Variants in KLHL42 observed in about 807,000 individuals in gnomAD.
The protein encoded by KLHL42 is kelch like family member 42, also known as kelch-like protein 42.
KLHL42 carries 27 observed loss-of-function variants against 32.7 expected under a neutral mutation model. The observed-to-expected ratio is 0.83, with a 90% CI of 0.61 to 1.14. The LOEUF (loss-of-function observed/expected upper bound fraction) is 1.14. Ranked by LOEUF, KLHL42 falls within the 50% of genes most tolerant of loss-of-function variation. The pLI, the probability that KLHL42 is intolerant of heterozygous loss-of-function variation, is 0.00. For missense variants in KLHL42, 491 were observed against 560.8 expected (o/e 0.88, Z 1.26); for synonymous variants, 267 against 248.2 (o/e 1.08, Z -0.71).
chr12:27,789,038 G>A (rs1158775253), intron 1 of KLHL42, among the ~76,000 whole-genome samples: 7 of 152,206 alleles, frequency 4.6e-5, no homozygotes, highest in Non-Finnish European at 1.0e-4. Flanking sequence ...GAGAATTTGT[G>A]GATGAGAGAG....
At chr12:27,796,450 A>G (rs964171954) in intron 2 of KLHL42, among the ~76,000 whole-genome samples, 2 of 152,244 alleles carry the variant, frequency 1.3e-5, no homozygotes, top group Admixed American at 1.3e-4. Context: ...AACAACAACA[A>G]AGTTCATTCT....
intron 1 of KLHL42, 124 bp from the exon 2 acceptor site, chr12:27,791,584 T>C: frequency 1.3e-6 from 1 of 791,390 alleles, no homozygotes; most frequent in Non-Finnish European, 2.1e-6. Context: ...TCAGGCGGAA[T>C]GGCCCCCAAC....
intron 2 of KLHL42, among the ~76,000 whole-genome samples, chr12:27,794,528 A>G (rs546335301): frequency 3.3e-5 from 5 of 151,984 alleles, no homozygotes; most frequent in South Asian, 4.2e-4. Flanking sequence ...GTCTCACTCT[A>G]TTGCCCAGGA....
intron 1 of KLHL42, among the ~76,000 whole-genome samples, chr12:27,782,837 CTG>C (rs917568826): frequency 4.6e-5 from 7 of 151,186 alleles, no homozygotes; most frequent in African/African-American, 1.7e-4. Context: ...ACACACAAAA[CTG>C]TGGAGTAAAA....
chr12:27,785,067 A>G (rs1406744602), intron 1 of KLHL42, among the ~76,000 whole-genome samples: 2 of 152,114 alleles, frequency 1.3e-5, no homozygotes, highest in Non-Finnish European at 2.9e-5. Context: ...AAATTGTTGC[A>G]TAGAGGGGTG....
chr12:27,780,747 G>T lies in KLHL42; in HGVS notation c.417G>T (p.Val139=). ...TGGAGATGTACCGCCTGGCGCAGGTGTACGGGCTGCCCGACCTGCAGGAGG... is the reference window on the plus strand; with the variant it reads ...TGGAGATGTACCGCCTGGCGCAGGTTTACGGGCTGCCCGACCTGCAGGAGG... ...NCLEMYRLAQ[V]YGLPDLQEAC... The change falls in exon 1 of 3, where the codon GTG becomes GTT. Residue 139 remains valine (V), a synonymous_variant. Transcript: ENST00000381271. The surrounding 1 kb of genome is among the most constrained non-coding windows in gnomAD (Gnocchi z 8.8). 1 of 1,613,432 alleles carries T rather than the reference G, an allele frequency of 6.2e-7. No individual in the cohort carries two copies. The highest frequency in any genetic ancestry group is 8.5e-7 in the Non-Finnish European group (1 of 1,180,026).
chr12:27,793,768 A>G (rs574506110), intron 2 of KLHL42, among the ~76,000 whole-genome samples: 48 of 152,286 alleles, frequency 3.2e-4, no homozygotes, highest in African/African-American at 1.1e-3. Flanking sequence ...TAGGACTTTA[A>G]GCCACATTAT....
At chr12:27,793,892 C>A (rs1054799612) in intron 2 of KLHL42, among the ~76,000 whole-genome samples, 8 of 152,186 alleles carry the variant, frequency 5.3e-5, no homozygotes, top group African/African-American at 1.9e-4. Context: ...GAAGAAGACC[C>A]TGTGAGGCCG....
In KLHL42 at chr12:27,780,689, T is replaced by G. The variant is rs1010092580; in HGVS notation, c.359T>G (p.Leu120Arg). ...SFLQVTSLLQ[L>R]LLSQVRLNNC... The stretch of plus-strand genomic sequence containing the variant: ...CTGCAGGTCACGTCCCTGCTGCAGC[T>G]GCTGCTGTCCCAGGTGCGGCTCAAT... The change falls in exon 1 of 3, where the codon CTG becomes CGG. Residue 120 changes from leucine (L) to arginine (R), a missense_variant. Physicochemically the swap from Leu to Arg is moderately radical, Grantham distance 102. Transcript: ENST00000381271. This position sits in a 1 kb window ranked among gnomAD's most constrained non-coding sequence, Gnocchi z 8.8. 8 of 1,606,638 alleles carry G rather than the reference T, an allele frequency of 5.0e-6. No homozygotes were observed. Among genetic ancestry groups the G allele is most frequent in the Non-Finnish European group, 6.8e-6 (8 of 1,175,392 alleles).
Position 27,799,639 on chromosome 12 carries a change from G to C in KLHL42, c.*1473G>C, listed in dbSNP as rs574613535. 6.6e-6 allele frequency: 1 copy of C among 152,512 alleles called. No homozygotes were observed. The highest frequency in any genetic ancestry group is 1.9e-4 in the East Asian group (1 of 5,200). The allele number at this position is 152,512 out of a possible 1,614,324, so 9.4% of individuals were successfully genotyped here. The stretch of plus-strand genomic sequence containing the variant: ...CGTCCACTGTGCAGATGTAGGACAG[G>C]GGCTAATCACTTAGAGTTCTTCAGT... On this transcript the variant is annotated 3_prime_UTR_variant, in exon 3 of 3. Coordinates refer to ENST00000381271, the MANE Select transcript of KLHL42 (RefSeq NM_020782.2).
In KLHL42 at chr12:27,780,245, C is replaced by A. The variant is rs1355029295; in HGVS notation, c.-86C>A. On this transcript the variant is annotated 5_prime_UTR_variant, in exon 1 of 3. Transcript: ENST00000381271. This position sits in a 1 kb window ranked among gnomAD's most constrained non-coding sequence, Gnocchi z 8.8. Reference sequence around the variant, plus strand: ...CTCCCGGGCCGCCATCCCTCGGCGCCCCGCCCGGAACCGGCGCGCGCGTAG... The same window carrying A: ...CTCCCGGGCCGCCATCCCTCGGCGCACCGCCCGGAACCGGCGCGCGCGTAG... The A allele has an allele frequency of 7.7e-7, 1 of 1,292,288 alleles. No homozygotes were observed. The highest frequency in any genetic ancestry group is 9.9e-7 in the Non-Finnish European group (1 of 1,007,314). 80.1% of individuals were successfully genotyped at this position (1,292,288 alleles called of 1,614,324 possible).
rs2062198830 is a variant in KLHL42 at position 27,791,890 on chromosome 12, A to G, written c.1055A>G (p.Tyr352Cys). The G allele has an allele frequency of 6.2e-7, 1 of 1,613,956 alleles. No individual in the cohort carries two copies. The highest frequency in any genetic ancestry group is 8.5e-7 in the Non-Finnish European group (1 of 1,179,962). ...GGAAAAATTTATGTCATTGGAGGATACACTACCAGAGGTAAGTGAAGGGAC... is the reference window on the plus strand; with the variant it reads ...GGAAAAATTTATGTCATTGGAGGATGCACTACCAGAGGTAAGTGAAGGGAC... ...CKGKIYVIGG[Y>C]TTRDRNMNIL... The change falls in exon 2 of 3, where the codon TAC becomes TGC. Residue 352 changes from tyrosine (Y) to cysteine (C), a missense_variant. This residue lies in a region of KLHL42 where 152 missense variants were observed against 125.9 expected (regional missense o/e 1.21). Coordinates refer to ENST00000381271, the MANE Select transcript of KLHL42 (RefSeq NM_020782.2).
At chr12:27,797,518 G>C (rs2062224508) in intron 2 of KLHL42, among the ~76,000 whole-genome samples, 197 bp from the exon 3 acceptor site, 1 of 152,190 alleles carries the variant, frequency 6.6e-6, no homozygotes, top group African/African-American at 2.4e-5. Flanking sequence ...ACGTTTGGGA[G>C]TGGGAGGTGA....
chr12:27,798,550 TA>T lies in KLHL42; in HGVS notation c.*385del, dbSNP rs1265348612. On this transcript the variant is annotated 3_prime_UTR_variant, in exon 3 of 3. Coordinates refer to ENST00000381271, the MANE Select transcript of KLHL42 (RefSeq NM_020782.2). ...GTATTTAGGTCCCTTGACATATCAT[TA>T]GCACCTTAAGTGAGAGGTTTTCTTT... 1 of 192,502 alleles carries T rather than the reference TA, an allele frequency of 5.2e-6. No homozygotes were observed. The highest frequency in any genetic ancestry group is 1.1e-5 in the Non-Finnish European group (1 of 92,558). 11.9% of individuals were successfully genotyped at this position (192,502 alleles called of 1,614,324 possible).
intron 1 of KLHL42, among the ~76,000 whole-genome samples, chr12:27,790,270 A>C (rs556089807): frequency 6.6e-6 from 1 of 151,972 alleles, no homozygotes; most frequent in African/African-American, 2.4e-5. Context: ...CTGATAGACT[A>C]TTTGATTTAA....
At chr12:27,786,810 C>T (rs182493770) in intron 1 of KLHL42, among the ~76,000 whole-genome samples, 5 of 150,598 alleles carry the variant, frequency 3.3e-5, no homozygotes, top group Admixed American at 2.7e-4. Flanking sequence ...GCAAGCTCCG[C>T]GTCCCGTGTT....
rs1191825920 is a variant in KLHL42 at position 27,798,827 on chromosome 12, G to A, written c.*661G>A. ...GCCTTTTTTGCAGTTACAAATGCTG[G>A]ATAAATAGACTGATAAAACCTCTTA... On this transcript the variant is annotated 3_prime_UTR_variant, in exon 3 of 3. Coordinates refer to ENST00000381271, the MANE Select transcript of KLHL42 (RefSeq NM_020782.2). The A allele has an allele frequency of 6.6e-6, 1 of 152,350 alleles. No individual in the cohort carries two copies. The highest frequency in any genetic ancestry group is 1.5e-5 in the Non-Finnish European group (1 of 68,040). The allele number at this position is 152,350 out of a possible 1,614,324, so 9.4% of individuals were successfully genotyped here.
chr12:27,791,993 T>C (rs2062199413), intron 2 of KLHL42, 92 bp downstream of exon 2: 6 of 1,019,460 alleles, frequency 5.9e-6, no homozygotes, highest in Non-Finnish European at 9.1e-6. Flanking sequence ...CCCCGACATA[T>C]CCGAGTGTCA....
intron 1 of KLHL42, among the ~76,000 whole-genome samples, chr12:27,785,055 T>C (rs536587175): frequency 6.6e-6 from 1 of 151,904 alleles, no homozygotes; most frequent in South Asian, 2.1e-4. Context: ...ACTGGGTAGG[T>C]GAAATTGTTG....
Sources: gnomAD v4.1 joint callset for allele counts (sites outside exome capture counted in the v4.1 genomes callset) on GRCh38, gnomAD v4.1.1 for gene constraint, gnomAD v4.1.1 regional missense constraint, Gnocchi (gnomAD v3.1) non-coding constraint, MANE v1.5 for transcripts, NCBI Gene and HGNC (gene_info 2026-07-23, HGNC 2026-07-21) for gene names.